GRIN2B: variants seen among roughly 807,000 people sequenced by gnomAD.
GRIN2B encodes glutamate receptor ionotropic, NMDA 2B.
Under a neutral mutation model 114.5 loss-of-function variants are expected in GRIN2B, and 5 were observed. That is an observed-to-expected ratio of 0.04 (90% CI 0.02 to 0.09). The LOEUF (loss-of-function observed/expected upper bound fraction) is 0.09, where lower values mean the gene tolerates loss of function less well. Ranked by LOEUF, GRIN2B falls within the 10% of genes least tolerant of loss-of-function variation. The pLI, the probability that GRIN2B is intolerant of heterozygous loss-of-function variation, is 1.00. For missense variants in GRIN2B, 1,108 were observed against 1,943.5 expected (o/e 0.57, Z 8.08); for synonymous variants, 787 against 745.1 (o/e 1.06, Z -0.92).
chr12:13,871,593 T>C (rs1003435353), intron 2 of GRIN2B, among the ~76,000 whole-genome samples: 1 of 151,846 alleles, frequency 6.6e-6, no homozygotes, highest in Admixed American at 6.6e-5. Context: ...AGTTTTCACT[T>C]ACTGCATTAA....
At chr12:13,653,312 T>C (rs563393570) in intron 5 of GRIN2B, among the ~76,000 whole-genome samples, 1 of 152,244 alleles carries the variant, frequency 6.6e-6, no homozygotes, top group East Asian at 1.9e-4. Flanking sequence ...TTGGGGTCTC[T>C]GTGAGACATA....
chr12:13,712,543 A>T (rs963623315), intron 4 of GRIN2B, among the ~76,000 whole-genome samples: 1 of 151,898 alleles, frequency 6.6e-6, no homozygotes, highest in African/African-American at 2.4e-5. Context: ...AGACACAACT[A>T]GTGATAAAAA....
chr12:13,686,656 G>T (rs908162110), intron 4 of GRIN2B, among the ~76,000 whole-genome samples: 1 of 152,054 alleles, frequency 6.6e-6, no homozygotes, highest in African/African-American at 2.4e-5. Context: ...TTTTAAAAAA[G>T]TAATTGGCGC....
intron 5 of GRIN2B, among the ~76,000 whole-genome samples, chr12:13,670,701 T>C (rs1591668217): frequency 6.7e-6 from 1 of 149,856 alleles, no homozygotes; most frequent in Admixed American, 6.6e-5. Flanking sequence ...ACACAATGAT[T>C]TTTTTTTTCA....
intron 3 of GRIN2B, among the ~76,000 whole-genome samples, chr12:13,852,161 C>A (rs2193513): frequency 0.16 from 23,840 of 152,200 alleles, 2,399 homozygotes; most frequent in Non-Finnish European, 0.22. Flanking sequence ...GACAGGCTAC[C>A]CTGGCTGGCT....
At chr12:13,699,074 A>G (rs2136566364) in intron 4 of GRIN2B, among the ~76,000 whole-genome samples, 1 of 152,344 alleles carries the variant, frequency 6.6e-6, no homozygotes, top group South Asian at 2.1e-4. Context: ...AATTAGGCAC[A>G]TGCTATGATG....
chr12:13,625,967 A>T (rs911695060), intron 5 of GRIN2B, among the ~76,000 whole-genome samples: 4 of 152,218 alleles, frequency 2.6e-5, no homozygotes, highest in African/African-American at 7.2e-5. Context: ...AAATAGGTGG[A>T]AAGATTCAAC....
intron 5 of GRIN2B, among the ~76,000 whole-genome samples, chr12:13,666,932 A>T (rs954371687): frequency 6.6e-6 from 1 of 152,196 alleles, no homozygotes; most frequent in Non-Finnish European, 1.5e-5. Flanking sequence ...GTTTGGTGAA[A>T]AATATGTAAA....
chr12:13,790,587 A>G (rs905385758), intron 3 of GRIN2B, among the ~76,000 whole-genome samples: 3 of 152,192 alleles, frequency 2.0e-5, no homozygotes, highest in Non-Finnish European at 4.4e-5. Flanking sequence ...TATATTTTCC[A>G]TAACTTTTGG....
rs1206707823 is a variant in GRIN2B, at chr12:13,545,024, A to C, written c.*17759T>G. ...TCCTGACAGTGTCCTACAAGGCCCTACCTGACTTGCGTTATTGCCCCCTCT... is the reference window on the plus strand; with the variant it reads ...TCCTGACAGTGTCCTACAAGGCCCTCCCTGACTTGCGTTATTGCCCCCTCT... On this transcript the variant is annotated 3_prime_UTR_variant, in exon 14 of 14. Coordinates refer to ENST00000609686, the MANE Select transcript of GRIN2B (RefSeq NM_000834.5). 6.6e-6 allele frequency: 1 copy of C among 152,326 alleles called. No individual in the cohort carries two copies. The highest frequency in any genetic ancestry group is 2.4e-5 in the African/African-American group (1 of 41,440). 9.4% of individuals were successfully genotyped at this position (152,326 alleles called of 1,614,324 possible).
intron 3 of GRIN2B, among the ~76,000 whole-genome samples, chr12:13,855,049 G>GGAAAAAAAAAAAAAA (rs57722937): frequency 3.4e-5 from 3 of 88,028 alleles, no homozygotes; most frequent in African/African-American, 9.7e-5. Context: ...CATCTCTACT[G>GGAAAAAAAAAAAAAA]AAAAAAAAAA....
intron 4 of GRIN2B, among the ~76,000 whole-genome samples, chr12:13,685,661 A>T (rs373867108): frequency 1.2e-3 from 181 of 152,282 alleles, no homozygotes; most frequent in African/African-American, 4.1e-3. Flanking sequence ...CTGTTGACTC[A>T]TTCAAAAACA....
At chr12:13,621,847 C>G (rs1949521182) in intron 5 of GRIN2B, among the ~76,000 whole-genome samples, 1 of 152,156 alleles carries the variant, frequency 6.6e-6, no homozygotes, top group South Asian at 2.1e-4. Context: ...CTTCCTTCTG[C>G]TAACAGATTC....
chr12:13,618,971 T>C (rs908640948), intron 5 of GRIN2B, among the ~76,000 whole-genome samples: 3 of 120,426 alleles, frequency 2.5e-5, no homozygotes, highest in Admixed American at 9.9e-5. Flanking sequence ...GAGTTTAAAA[T>C]CTGTACCCAA....
chr12:13,759,766 T>C (rs564345354), intron 3 of GRIN2B, among the ~76,000 whole-genome samples: 1 of 152,280 alleles, frequency 6.6e-6, no homozygotes, highest in South Asian at 2.1e-4. Context: ...TTTGTAAACT[T>C]AAGATGTTAT....
chr12:13,578,834 G>C (rs1948809390), intron 10 of GRIN2B, among the ~76,000 whole-genome samples: 1 of 152,054 alleles, frequency 6.6e-6, no homozygotes, highest in Admixed American at 6.5e-5. Flanking sequence ...CTCTGAGAAG[G>C]TGGCATCTGA....
chr12:13,570,126 G>A, intron 11 of GRIN2B, 109 bp from the exon 12 acceptor site: 1 of 788,582 alleles, frequency 1.3e-6, no homozygotes, highest in Non-Finnish European at 2.2e-6. Flanking sequence ...GTGGAGAATT[G>A]GTTCAAAGTA....
At chr12:13,825,617 A>G (rs1865022515) in intron 3 of GRIN2B, among the ~76,000 whole-genome samples, 1 of 150,422 alleles carries the variant, frequency 6.6e-6, no homozygotes, top group African/African-American at 2.4e-5. Flanking sequence ...CCTGGGTTCA[A>G]GTGATTCTCC....
chr12:13,909,646 T>C (rs1866598696), intron 2 of GRIN2B, among the ~76,000 whole-genome samples: 1 of 152,168 alleles, frequency 6.6e-6, no homozygotes, highest in South Asian at 2.1e-4. Flanking sequence ...GACACTTCAC[T>C]TGTCCTTAAA....
Sources: allele counts gnomAD v4.1 joint callset (sites outside exome capture counted in the v4.1 genomes callset), GRCh38; gene constraint gnomAD v4.1.1; transcripts MANE v1.5; gene names NCBI Gene and HGNC (gene_info 2026-07-23, HGNC 2026-07-21).